FBXL20: variants seen among roughly 807,000 people sequenced by gnomAD.
FBXL20 encodes F-box and leucine rich repeat protein 20.
A neutral mutation model predicts 64.0 loss-of-function variants in FBXL20; 11 were observed. That is an observed-to-expected ratio of 0.17 (90% CI 0.11 to 0.28). The LOEUF (loss-of-function observed/expected upper bound fraction) is 0.28, where lower values mean the gene tolerates loss of function less well. FBXL20 is among the 10% of genes least tolerant of loss of function. The probability of loss-of-function intolerance (pLI) is 1.00; values close to 1 mark genes in which losing one functional copy is unlikely to be tolerated. For synonymous variants in FBXL20, 184 were observed against 189.0 expected (o/e 0.97, Z 0.22); for missense variants, 303 against 526.2 (o/e 0.58, Z 4.15).
At chr17:39,264,563 C>T (rs888409423) in intron 13 of FBXL20, among the ~76,000 whole-genome samples, 176 bp from the exon 14 acceptor site, 1 of 152,112 alleles carries the variant, frequency 6.6e-6, no homozygotes, top group Admixed American at 6.6e-5. Context: ...ATGCTTTTGG[C>T]AATCAGTGAT....
chr17:39,300,511 G>A (rs2047124266), intron 4 of FBXL20, among the ~76,000 whole-genome samples: 1 of 152,022 alleles, frequency 6.6e-6, no homozygotes, highest in Non-Finnish European at 1.5e-5. Context: ...GTGAGAGGAG[G>A]AAAAAACTTC....
At chr17:39,321,087 A>AT (rs1335641306) in intron 2 of FBXL20, among the ~76,000 whole-genome samples, 29 of 152,190 alleles carry the variant, frequency 1.9e-4, no homozygotes, top group Admixed American at 3.9e-4. Context: ...TCCAAAATAT[A>AT]CAGTGAACAT....
upstream of FBXL20, chr17:39,401,698 C>T: frequency 1.7e-6 from 2 of 1,179,148 alleles, no homozygotes; most frequent in Non-Finnish European, 2.1e-6. Flanking sequence ...TTGGACAGAG[C>T]CGCCCGGGCC....
chr17:39,376,448 G>C (rs2047968037), intron 1 of FBXL20, among the ~76,000 whole-genome samples: 1 of 152,166 alleles, frequency 6.6e-6, no homozygotes, highest in South Asian at 2.1e-4. Flanking sequence ...GGTAAGCTCT[G>C]ATATATTCAT....
chr17:39,352,745 T>TGCGCTCGGCCTAC (rs2047699888), intron 1 of FBXL20, among the ~76,000 whole-genome samples: 1 of 151,284 alleles, frequency 6.6e-6, no homozygotes, highest in Non-Finnish European at 1.5e-5. Flanking sequence ...CAGTGACCCC[T>TGCGCTCGGCCTAC]ATTGCTTAAA....
rs565197676 is a variant in FBXL20, at chr17:39,397,183, G to C, written c.42+4178C>G. ...GGCCTCCCAAAGTGCTGTGATTACA[G>C]GCGTGAGCCACCATGCCCAGCCAGA... is the stretch of plus-strand genomic sequence containing the variant. On this transcript the variant is annotated intron_variant, in intron 1 of 14. Transcript: ENST00000264658. 2.0e-5 allele frequency among the ~76,000 whole-genome samples: 3 copies of C among 152,268 alleles called. No homozygotes were observed. The East Asian group carries it at 5.8e-4, about 29-fold the overall frequency.
At chr17:39,309,165 T>G (rs758985433) in intron 2 of FBXL20, among the ~76,000 whole-genome samples, 1 of 152,230 alleles carries the variant, frequency 6.6e-6, no homozygotes, top group African/African-American at 2.4e-5. Flanking sequence ...AAAAGTTACT[T>G]TGCACACAAA....
chr17:39,398,666 C>A (rs1213559292), intron 1 of FBXL20, among the ~76,000 whole-genome samples: 1 of 151,392 alleles, frequency 6.6e-6, no homozygotes, highest in East Asian at 1.9e-4. Flanking sequence ...GGTACTCACC[C>A]TCGTTGTTTT....
chr17:39,383,950 C>A (rs988949377), intron 1 of FBXL20, among the ~76,000 whole-genome samples: 1 of 151,914 alleles, frequency 6.6e-6, no homozygotes, highest in Non-Finnish European at 1.5e-5. Flanking sequence ...ATAAAATTTA[C>A]AGGCCAGGCC....
rs571562530 is a variant in FBXL20 at position 39,260,397 on chromosome 17, G to T, written c.*1063C>A. 59 of 152,248 alleles carry T rather than the reference G, an allele frequency of 3.9e-4. No individual in the cohort carries two copies. The highest frequency in any genetic ancestry group is 1.4e-3 in the African/African-American group (58 of 41,536). 9.4% of individuals were successfully genotyped at this position (152,248 alleles called of 1,614,324 possible). A position where few individuals can be genotyped will look rare whatever the true frequency, so the allele number is the denominator to read the frequency against. On this transcript the variant is annotated 3_prime_UTR_variant, in exon 15 of 15. Transcript: ENST00000264658. ...CTTTCCTTATGATACAGTTGGTGGA[G>T]TCTGACAGAAGGAAGAATATGTAGG...
At chr17:39,296,531 G>C (rs2047086926) in intron 6 of FBXL20, among the ~76,000 whole-genome samples, 1 of 133,222 alleles carries the variant, frequency 7.5e-6, no homozygotes, top group Non-Finnish European at 1.5e-5. Context: ...CTGCAGTCCA[G>C]CCTGGGCAAC....
At chr17:39,295,642 A>G (rs1229554605) in intron 6 of FBXL20, among the ~76,000 whole-genome samples, 1 of 152,144 alleles carries the variant, frequency 6.6e-6, no homozygotes, top group Non-Finnish European at 1.5e-5. Flanking sequence ...TTACATGGCT[A>G]TTAAACGATA....
chr17:39,310,594 C>T (rs1597790029), intron 2 of FBXL20, among the ~76,000 whole-genome samples: 1 of 151,888 alleles, frequency 6.6e-6, no homozygotes, highest in Non-Finnish European at 1.5e-5. Context: ...ATGCCTATAA[C>T]CCCAGCACTT....
intron 2 of FBXL20, among the ~76,000 whole-genome samples, chr17:39,322,189 A>G (rs887421988): frequency 7.1e-6 from 1 of 140,440 alleles, no homozygotes; most frequent in Non-Finnish European, 1.5e-5. Context: ...AAAAAAAAAA[A>G]GCCATGCCCC....
At chr17:39,376,203 G>A (rs916160689) in intron 1 of FBXL20, among the ~76,000 whole-genome samples, 4 of 152,116 alleles carry the variant, frequency 2.6e-5, no homozygotes, top group Admixed American at 2.0e-4. Context: ...CCAAAGAACT[G>A]TAATGATTTG....
rs1465569328 is a variant in FBXL20 at position 39,256,972 on chromosome 17, T to TTTTA, written c.*4487_*4488insTAAA. On this transcript the variant is annotated 3_prime_UTR_variant, in exon 15 of 15. Coordinates refer to ENST00000264658, the MANE Select transcript of FBXL20 (RefSeq NM_032875.3). ...TAGTGGGCTATCAAACTAGTAACGA[T>TTTTA]GCATTTTTTTCTTTCTTTCTTTCTT... The TTTTA allele has an allele frequency of 6.6e-6, 1 of 151,650 alleles. No individual in the cohort carries two copies. Among genetic ancestry groups the TTTTA allele is most frequent in the Non-Finnish European group, 1.5e-5 (1 of 67,900 alleles). The allele number at this position is 151,650 out of a possible 1,614,324, so 9.4% of individuals were successfully genotyped here.
chr17:39,353,581 T>A (rs2047708359), intron 1 of FBXL20, among the ~76,000 whole-genome samples: 2 of 151,398 alleles, frequency 1.3e-5, no homozygotes. Flanking sequence ...TCCCCATGGA[T>A]AAGGGAGACC....
intron 1 of FBXL20, among the ~76,000 whole-genome samples, chr17:39,356,236 A>G (rs931374596): frequency 1.7e-4 from 25 of 147,318 alleles, no homozygotes; most frequent in African/African-American, 6.4e-4. Flanking sequence ...AAAAAAAAAA[A>G]GTTTTATAGT....
intron 3 of FBXL20, 140 bp from the exon 4 acceptor site, chr17:39,301,215 A>C: frequency 1.5e-6 from 1 of 671,994 alleles, no homozygotes; most frequent in Non-Finnish European, 2.6e-6. Context: ...TTACTCCCAA[A>C]TGATGTGTCT....
Sources: allele counts gnomAD v4.1 joint callset (sites outside exome capture counted in the v4.1 genomes callset), GRCh38; gene constraint gnomAD v4.1.1; transcripts MANE v1.5; gene names NCBI Gene and HGNC (gene_info 2026-07-23, HGNC 2026-07-21).